COPB2: variants seen among roughly 807,000 people sequenced by gnomAD.
COPB2 encodes coat protein complex I subunit beta 2, also known as coatomer subunit beta'.
A neutral mutation model predicts 120.8 loss-of-function variants in COPB2; 16 were observed. The ratio of observed to expected loss-of-function variants is 0.13; its 90% CI spans 0.09 to 0.20. The LOEUF is 0.20. COPB2 is among the 10% of genes least tolerant of loss of function. COPB2 has a pLI of 1.00. For missense variants in COPB2, 794 were observed against 1,076.5 expected (o/e 0.74, Z 3.67); for synonymous variants, 332 against 366.3 (o/e 0.91, Z 1.07).
chr3:139,378,607 A>G (rs1199595951), intron 4 of COPB2, among the ~76,000 whole-genome samples: 1 of 152,234 alleles, frequency 6.6e-6, no homozygotes, highest in Non-Finnish European at 1.5e-5. Context: ...TTAATTTAAA[A>G]ACATTTCAAA....
chr3:139,362,289 C>G, intron 16 of COPB2, 118 bp downstream of exon 16: 1 of 536,280 alleles, frequency 1.9e-6, no homozygotes, highest in Non-Finnish European at 3.2e-6. Context: ...ATAACTTCAA[C>G]AAAATGAGCC....
At position 139,389,564 on chromosome 3, in the gene COPB2, C is replaced by T. The variant is rs776830693; in HGVS notation, c.-14G>A. The T allele has an allele frequency of 1.3e-6, 2 of 1,575,194 alleles. No homozygotes were observed. The highest frequency in any genetic ancestry group is 1.1e-5 in the South Asian group (1 of 87,658). On this transcript the variant is annotated 5_prime_UTR_variant, in exon 1 of 22. Transcript: ENST00000333188. ...TGGACCTACCATGGCTGCGTCGGTC[C>T]AATCCCGGGAACCCTCGTTTGTTAC... is the stretch of plus-strand genomic sequence containing the variant.
chr3:139,357,950 G>T lies in COPB2; in HGVS notation c.2634C>A (p.Leu878=). 1 of 1,578,066 alleles carries T rather than the reference G, an allele frequency of 6.3e-7. No homozygotes were observed. The highest frequency in any genetic ancestry group is 1.3e-5 in the African/African-American group (1 of 74,354). ...AATTATCCAAATCTACTTCTAGTTCGAGTAAACTCTGCAGACAAAAGGAAG... is the reference window on the plus strand; with the variant it reads ...AATTATCCAAATCTACTTCTAGTTCTAGTAAACTCTGCAGACAAAAGGAAG... ...HTANKEEKSL[L]ELEVDLDNLE... The change falls in exon 22 of 22, where the codon CTC becomes CTA. Residue 878 remains leucine (L), a synonymous_variant. Coordinates refer to ENST00000333188, the MANE Select transcript of COPB2 (RefSeq NM_004766.3).
chr3:139,388,595 C>T (rs894184419), intron 1 of COPB2, among the ~76,000 whole-genome samples: 5 of 151,222 alleles, frequency 3.3e-5, no homozygotes, highest in African/African-American at 1.2e-4. Context: ...TCTTCAAGCT[C>T]CAAAATGTTT....
At chr3:139,377,001 G>C (rs575603522) in intron 5 of COPB2, among the ~76,000 whole-genome samples, 6 of 152,100 alleles carry the variant, frequency 3.9e-5, no homozygotes, top group Non-Finnish European at 5.9e-5. Context: ...CACCTGCCTC[G>C]GTCTCCCAAA....
chr3:139,365,965 G>T (rs780960816), intron 15 of COPB2, among the ~76,000 whole-genome samples: 1 of 152,166 alleles, frequency 6.6e-6, no homozygotes, highest in Admixed American at 6.5e-5. Flanking sequence ...GGGAATGAAA[G>T]AAGGCGAAAT....
At chr3:139,378,906 C>A in intron 4 of COPB2, 141 bp downstream of exon 4, 1 of 744,762 alleles carries the variant, frequency 1.3e-6, no homozygotes, top group Non-Finnish European at 2.1e-6. Context: ...GCATCAATAG[C>A]ACAGTAATGG....
intron 13 of COPB2, 66 bp from the exon 14 acceptor site, chr3:139,367,211 A>G: frequency 6.4e-6 from 10 of 1,560,498 alleles, no homozygotes; most frequent in African/African-American, 1.4e-5. Flanking sequence ...AAAAAGCTGA[A>G]TATATCTGAG....
intron 6 of COPB2, 121 bp from the exon 7 acceptor site, chr3:139,374,709 T>C (rs1941684867): frequency 3.3e-6 from 2 of 602,276 alleles, no homozygotes; most frequent in Admixed American, 3.6e-5. Flanking sequence ...CTAAATAATA[T>C]CCAATATAGA....
intron 17 of COPB2, among the ~76,000 whole-genome samples, chr3:139,360,370 A>G (rs1173567182): frequency 2.0e-5 from 3 of 151,814 alleles, no homozygotes; most frequent in Non-Finnish European, 4.4e-5. Flanking sequence ...TTAAAAACAC[A>G]AGCCGGGTGT....
intron 15 of COPB2, among the ~76,000 whole-genome samples, chr3:139,363,633 T>C (rs1361346734): frequency 1.3e-5 from 2 of 152,162 alleles, no homozygotes; most frequent in African/African-American, 4.8e-5. Flanking sequence ...ATGTAATGTG[T>C]TACACAAAAA....
At chr3:139,383,231 T>A (rs1941847227) in intron 2 of COPB2, 67 bp downstream of exon 2, 1 of 1,550,336 alleles carries the variant, frequency 6.5e-7, no homozygotes, top group Admixed American at 1.7e-5. Context: ...TAATATTTCT[T>A]CTCTTTCATT....
In COPB2 at chr3:139,371,937, G is replaced by A. The variant is rs535384823; in HGVS notation, c.1095-104C>T. ...TGGTAAAAGAATTCTAATAACAAAT[G>A]TTATTTAGTTCATTATTACAATTTA... On this transcript the variant is annotated intron_variant, in intron 9 of 21. Transcript: ENST00000333188. 24 of 767,860 alleles carry A rather than the reference G, an allele frequency of 3.1e-5. No individual in the cohort carries two copies. In the South Asian group the frequency reaches 4.2e-4, roughly 13 times the overall value. The allele number at this position is 767,860 out of a possible 1,614,324, so 47.6% of individuals were successfully genotyped here.
In COPB2 at chr3:139,362,443, C is replaced by T. The variant is rs1438969515; in HGVS notation, c.1959G>A (p.Glu653=). 12 of 1,612,126 alleles carry T rather than the reference C, an allele frequency of 7.4e-6. No homozygotes were observed. The highest frequency in any genetic ancestry group is 1.0e-5 in the Non-Finnish European group (12 of 1,179,036). The change falls in exon 16 of 22, where the codon GAG becomes GAA. Residue 653 remains glutamate (E), a synonymous_variant. Transcript: ENST00000333188. ...CTGCTAACTGGTATGCAATTTTTAACTCTCCAAGCTGAAGAGCAAGCTCAA... is the reference window on the plus strand; with the variant it reads ...CTGCTAACTGGTATGCAATTTTTAATTCTCCAAGCTGAAGAGCAAGCTCAA... ...HRFELALQLG[E]LKIAYQLAVE...
In COPB2 at chr3:139,379,206, G is replaced by C. The variant is rs374517235; in HGVS notation, c.229-33C>G. The C allele has an allele frequency of 1.1e-5, 18 of 1,573,952 alleles. No homozygotes were observed. In the African/African-American group the frequency reaches 2.2e-4, roughly 19 times the overall value. ...CAGAAATTTTAAAACCATCATCCCT[G>C]TTATCAAGTAAATTATACAAAAAAA... On this transcript the variant is annotated intron_variant, in intron 3 of 21. Coordinates refer to ENST00000333188, the MANE Select transcript of COPB2 (RefSeq NM_004766.3).
rs1479451537 is a variant in COPB2 at position 139,383,282 on chromosome 3, C to G, written c.141+16G>C. 1.1e-5 allele frequency: 17 copies of G among 1,613,318 alleles called. No individual in the cohort carries two copies. The highest frequency in any genetic ancestry group is 1.4e-5 in the Non-Finnish European group (16 of 1,179,426). On this transcript the variant is annotated intron_variant, in intron 2 of 21. Coordinates refer to ENST00000333188, the MANE Select transcript of COPB2 (RefSeq NM_004766.3). ...CATAGTATTTTATTTCTAATACAGT[C>G]CTGAAAAATTCCTACCTGTGTTTCA... is the stretch of plus-strand genomic sequence containing the variant.
At chr3:139,375,353 AT>A (rs1941693837) in intron 6 of COPB2, 114 bp downstream of exon 6, 1 of 1,002,792 alleles carries the variant, frequency 1.0e-6, no homozygotes, top group Non-Finnish European at 1.4e-6. Flanking sequence ...GCAAATACTG[AT>A]ACCTTAAGTT....
intron 15 of COPB2, among the ~76,000 whole-genome samples, chr3:139,365,051 G>C (rs1283756230): frequency 6.6e-6 from 1 of 152,152 alleles, no homozygotes; most frequent in Admixed American, 6.5e-5. Flanking sequence ...GAAAATCAGT[G>C]CAGGACATAC....
chr3:139,379,317 C>T (rs1295481842), intron 3 of COPB2, 63 bp downstream of exon 3: 2 of 1,577,000 alleles, frequency 1.3e-6, no homozygotes, highest in African/African-American at 2.7e-5. Flanking sequence ...AATCCTGCAA[C>T]AAATTTACAC....
Sources: gnomAD v4.1 joint callset for allele counts (sites outside exome capture counted in the v4.1 genomes callset) on GRCh38, gnomAD v4.1.1 for gene constraint, MANE v1.5 for transcripts, NCBI Gene and HGNC (gene_info 2026-07-23, HGNC 2026-07-21) for gene names.